The following TMEM117 variants were observed in gnomAD, a reference collection of about 807,000 sequenced individuals.
TMEM117 encodes the protein transmembrane protein 117.
A neutral mutation model predicts 52.4 loss-of-function variants in TMEM117; 27 were observed. The observed-to-expected ratio is 0.51, with a 90% confidence interval of 0.38 to 0.71. The LOEUF is 0.71. Among genes scored for constraint, TMEM117 ranks in the 30% least tolerant of loss-of-function variants. The pLI is 0.00. For missense variants in TMEM117, 556 were observed against 630.5 expected, an observed-to-expected ratio of 0.88 and a Z score of 1.26; for synonymous variants, 215 against 206.3, an observed-to-expected ratio of 1.04 and a Z score of -0.36.
At chr12:44,346,534 A>G (rs961677523) in intron 6 of TMEM117, among the ~76,000 whole-genome samples, 3 of 151,992 alleles carry the variant, frequency 2.0e-5, no homozygotes, top group South Asian at 2.1e-4. Flanking sequence ...CCTTTTCCCA[A>G]TAGGAAAAGT....
At chr12:43,864,649 T>G (rs1346991445) in intron 2 of TMEM117, among the ~76,000 whole-genome samples, 1 of 152,106 alleles carries the variant, frequency 6.6e-6, no homozygotes, top group Non-Finnish European at 1.5e-5. Context: ...GCTCAGGGAT[T>G]GTAAAAGCAC....
At chr12:44,378,455 C>T (rs774000931) in intron 7 of TMEM117, among the ~76,000 whole-genome samples, 5 of 152,106 alleles carry the variant, frequency 3.3e-5, no homozygotes, top group Non-Finnish European at 7.4e-5. Flanking sequence ...TTCAGTGCCT[C>T]GGAAGGGGGC....
intron 3 of TMEM117, among the ~76,000 whole-genome samples, chr12:44,121,041 C>T (rs1282973563): frequency 3.9e-5 from 6 of 152,172 alleles, no homozygotes; most frequent in African/African-American, 1.4e-4. Context: ...GTGAGAGGCA[C>T]GTGTTACATG....
intron 3 of TMEM117, among the ~76,000 whole-genome samples, chr12:43,979,266 G>T (rs1330478781): frequency 1.3e-5 from 2 of 152,020 alleles, no homozygotes; most frequent in Non-Finnish European, 2.9e-5. Context: ...CAGGTACTAT[G>T]ATTAAACTTC....
In TMEM117 at chr12:44,026,616, T is replaced by C. The variant is rs151019866; in HGVS notation, c.410+82274T>C. Among the ~76,000 whole-genome samples the C allele has an allele frequency of 6.7e-3, 1,026 of 152,324 alleles. 15 individuals are homozygous for C. The highest frequency in any genetic ancestry group is 0.041 in the East Asian group (211 of 5,192). On this transcript the variant is annotated intron_variant, in intron 3 of 7. Coordinates refer to ENST00000266534, the MANE Select transcript of TMEM117 (RefSeq NM_032256.3). ...TTTACTTGTTTCTTTATCTTTCTGTTATACTTATGAGAGTAGGACTGGAAC... is the reference window on the plus strand; with the variant it reads ...TTTACTTGTTTCTTTATCTTTCTGTCATACTTATGAGAGTAGGACTGGAAC...
chr12:43,880,235 G>A (rs1410622314), intron 2 of TMEM117, among the ~76,000 whole-genome samples: 1 of 152,060 alleles, frequency 6.6e-6, no homozygotes, highest in Non-Finnish European at 1.5e-5. Context: ...CTATCGTAAG[G>A]CATTGTTTTC....
Position 44,376,902 on chromosome 12 carries a change from G to A in TMEM117, c.898+178G>A, listed in dbSNP as rs151000890. Among the ~76,000 whole-genome samples, 532 of 152,272 alleles carry A rather than the reference G, an allele frequency of 3.5e-3. 6 individuals carry two copies. The highest frequency in any genetic ancestry group is 0.012 in the African/African-American group (478 of 41,550). ...AAGGGGCTCTGTACTATCATTCTGG[G>A]ACCTAAGTTACTGGTGGCTTTGACA... On this transcript the variant is annotated intron_variant, in intron 7 of 7. Transcript: ENST00000266534.
chr12:43,960,859 A>G (rs994959112), intron 3 of TMEM117, among the ~76,000 whole-genome samples: 4 of 152,206 alleles, frequency 2.6e-5, no homozygotes, highest in African/African-American at 9.6e-5. Flanking sequence ...TATTAATATT[A>G]CTATTCCTGA....
At chr12:44,006,482 G>C (rs1350995899) in intron 3 of TMEM117, among the ~76,000 whole-genome samples, 2 of 152,130 alleles carry the variant, frequency 1.3e-5, no homozygotes, top group Admixed American at 1.3e-4. Context: ...GCCTGGGCTT[G>C]GTTTTTCATG....
At chr12:44,231,134 T>C (rs1041657264) in intron 5 of TMEM117, among the ~76,000 whole-genome samples, 2 of 151,952 alleles carry the variant, frequency 1.3e-5, no homozygotes, top group East Asian at 1.9e-4. Context: ...CAAGGACTTA[T>C]TCAGGCTTTG....
chr12:44,354,005 T>C (rs1243402641), intron 6 of TMEM117, among the ~76,000 whole-genome samples: 1 of 152,164 alleles, frequency 6.6e-6, no homozygotes, highest in African/African-American at 2.4e-5. Context: ...CTTGAAGAGG[T>C]CCTTCACATC....
chr12:44,274,680 C>T (rs1353608632), intron 5 of TMEM117, among the ~76,000 whole-genome samples: 2 of 151,946 alleles, frequency 1.3e-5, no homozygotes, highest in Non-Finnish European at 2.9e-5. Context: ...TTTTAACAGA[C>T]GTGCCAGGAA....
rs145892690 is a variant in TMEM117, at chr12:44,280,445, A to C, written c.609-19135A>C. On this transcript the variant is annotated intron_variant, in intron 5 of 7. Transcript: ENST00000266534. ...CTTTCAAATTTGTCTTCCTGCCTGC[A>C]GTATCCTTTCTACTGTGGAAATTTA... 2.4e-3 allele frequency among the ~76,000 whole-genome samples: 366 copies of C among 152,320 alleles called. 4 individuals carry two copies. The highest frequency in any genetic ancestry group is 8.3e-3 in the African/African-American group (346 of 41,574).
chr12:44,211,825 C>T (rs890225161), intron 5 of TMEM117, among the ~76,000 whole-genome samples: 13 of 152,144 alleles, frequency 8.5e-5, no homozygotes, highest in Non-Finnish European at 1.2e-4. Context: ...TATGTAGTTT[C>T]GTTTAGCTCT....
At chr12:44,339,111 C>T (rs978440055) in intron 6 of TMEM117, among the ~76,000 whole-genome samples, 3 of 152,062 alleles carry the variant, frequency 2.0e-5, no homozygotes, top group African/African-American at 7.2e-5. Context: ...AGGCATTAAA[C>T]ACTGGTATCT....
At chr12:44,091,213 G>C (rs1947666240) in intron 3 of TMEM117, among the ~76,000 whole-genome samples, 1 of 152,204 alleles carries the variant, frequency 6.6e-6, no homozygotes, top group South Asian at 2.1e-4. Context: ...AGACTTATTT[G>C]CTATCATGAG....
intron 3 of TMEM117, among the ~76,000 whole-genome samples, chr12:44,091,569 T>A (rs1427617612): frequency 4.6e-5 from 7 of 152,144 alleles, no homozygotes; most frequent in African/African-American, 1.7e-4. Flanking sequence ...AGCGTGCCAC[T>A]AAGGAAGGGA....
At chr12:44,287,780 AT>A (rs1340392278) in intron 5 of TMEM117, among the ~76,000 whole-genome samples, 1 of 152,204 alleles carries the variant, frequency 6.6e-6, no homozygotes, top group African/African-American at 2.4e-5. Context: ...CATCATTTCT[AT>A]CTTATATGTT....
At chr12:44,136,989 A>G (rs565885970) in intron 3 of TMEM117, among the ~76,000 whole-genome samples, 1 of 151,526 alleles carries the variant, frequency 6.6e-6, no homozygotes, top group East Asian at 1.9e-4. Context: ...TACTCATCCT[A>G]CTTTGGCCCT....
Sources: allele counts gnomAD v4.1 joint callset (sites outside exome capture counted in the v4.1 genomes callset), GRCh38; gene constraint gnomAD v4.1.1; transcripts MANE v1.5; gene names NCBI Gene and HGNC (gene_info 2026-07-23, HGNC 2026-07-21).